Variants in CACNG4 observed in about 807,000 individuals in gnomAD.
The protein encoded by CACNG4 is calcium voltage-gated channel auxiliary subunit gamma 4, also known as voltage-dependent calcium channel gamma-4 subunit.
CACNG4 carries 8 observed loss-of-function variants against 22.9 expected under a neutral mutation model. That is an observed-to-expected ratio of 0.35 (90% CI 0.21 to 0.63). The LOEUF is 0.63. CACNG4 is among the 30% of genes least tolerant of loss of function. CACNG4 has a pLI of 0.72. For synonymous variants in CACNG4, 188 were observed against 191.9 expected (o/e 0.98, Z 0.17); for missense variants, 357 against 455.4 (o/e 0.78, Z 1.97).
chr17:66,991,684 T>C (rs1274952465), intron 1 of CACNG4, among the ~76,000 whole-genome samples: 1 of 152,108 alleles, frequency 6.6e-6, no homozygotes, highest in Admixed American at 6.5e-5. Flanking sequence ...AGCCCCCAGA[T>C]ATTAACCCTG....
chr17:67,002,031 AC>A (rs879463837), intron 1 of CACNG4, among the ~76,000 whole-genome samples: 2,842 of 152,184 alleles, frequency 0.019, 42 homozygotes, highest in East Asian at 0.074. Flanking sequence ...GGTGCTCCAG[AC>A]CACAGGTATG....
At chr17:67,018,355 GGCATGGA>G (rs2035513196) in intron 2 of CACNG4, 83 bp downstream of exon 2, 1 of 941,304 alleles carries the variant, frequency 1.1e-6, no homozygotes, top group African/African-American at 1.6e-5. Flanking sequence ...AGAGACACTG[GGCATGGA>G]GAGGGTGATT....
At position 67,007,497 on chromosome 17, in the gene CACNG4, T is replaced by C. The variant is rs192626563; in HGVS notation, c.221-10692T>C. On this transcript the variant is annotated intron_variant, in intron 1 of 3. Coordinates refer to ENST00000262138, the MANE Select transcript of CACNG4 (RefSeq NM_014405.4). ...GGTTTCTTGACCAACATGGGTCTCA[T>C]TGGGTCTCACTTGAGATATGAAAGG... Among the ~76,000 whole-genome samples the C allele has an allele frequency of 8.3e-4, 127 of 152,262 alleles. 2 individuals carry two copies. Among genetic ancestry groups the C allele is most frequent in the Admixed American group, 5.2e-3 (80 of 15,304 alleles).
rs181264344 is a variant in CACNG4 at position 66,984,842 on chromosome 17, G to A, written c.220+19711G>A. 2.0e-5 allele frequency among the ~76,000 whole-genome samples: 3 copies of A among 152,082 alleles called. No homozygotes were observed. Among genetic ancestry groups the A allele is most frequent in the African/African-American group, 7.2e-5 (3 of 41,392 alleles). On this transcript the variant is annotated intron_variant, in intron 1 of 3. Transcript: ENST00000262138. The surrounding 1 kb of genome is among the most constrained non-coding windows in gnomAD (Gnocchi z 4.0). ...TGAACCCGAGCCTGAGTTTAGCCTC[G>A]AGCCTGAGCCTGCCTCAGGGTCCCC... is the stretch of plus-strand genomic sequence containing the variant.
chr17:66,995,730 A>AC (rs2035369981), intron 1 of CACNG4, among the ~76,000 whole-genome samples: 1 of 151,922 alleles, frequency 6.6e-6, no homozygotes, highest in African/African-American at 2.4e-5. Context: ...GGCACCTGTA[A>AC]TCCTAGCTAC....
intron 1 of CACNG4, among the ~76,000 whole-genome samples, chr17:66,973,845 G>A (rs1282123631): frequency 6.6e-6 from 1 of 152,136 alleles, no homozygotes; most frequent in African/African-American, 2.4e-5. Context: ...GCCTGGATCT[G>A]CCCCCAACGT....
chr17:67,007,631 T>C (rs2035445478), intron 1 of CACNG4, among the ~76,000 whole-genome samples: 1 of 152,180 alleles, frequency 6.6e-6, no homozygotes, highest in Non-Finnish European at 1.5e-5. Context: ...CTCAGGACTC[T>C]TTCTAAGCCC....
chr17:67,002,618 T>TTCTCTCCCTCTCTCTCTCTCTCTC lies in CACNG4; in HGVS notation c.221-15565_221-15564insCCTCTCTCTCTCTCTCTCTCTCTC, dbSNP rs2035414803. Among the ~76,000 whole-genome samples the TTCTCTCCCTCTCTCTCTCTCTCTC allele has an allele frequency of 5.5e-5, 8 of 145,428 alleles. No individual in the cohort carries two copies. The East Asian group carries it at 1.7e-3, about 30-fold the overall frequency. ...CTCTCTCCACCTCTCATCTCTCTCT[T>TTCTCTCCCTCTCTCTCTCTCTCTC]TCTCTCTCTCTCTCTCTCTCTCTCT... is the stretch of plus-strand genomic sequence containing the variant. On this transcript the variant is annotated intron_variant, in intron 1 of 3. Transcript: ENST00000262138.
intron 3 of CACNG4, among the ~76,000 whole-genome samples, chr17:67,029,124 C>T (rs1451691045): frequency 2.0e-5 from 3 of 150,828 alleles, no homozygotes; most frequent in East Asian, 2.0e-4. Flanking sequence ...CGTAAGGTCC[C>T]GAGTTTGAGA....
At chr17:67,011,955 C>T (rs2035471023) in intron 1 of CACNG4, among the ~76,000 whole-genome samples, 1 of 152,196 alleles carries the variant, frequency 6.6e-6, no homozygotes, top group Non-Finnish European at 1.5e-5. Context: ...CGCTCTTCAT[C>T]ACCTGACAGC....
intron 1 of CACNG4, among the ~76,000 whole-genome samples, chr17:67,015,279 C>T (rs892729433): frequency 5.3e-5 from 8 of 152,196 alleles, no homozygotes; most frequent in Non-Finnish European, 1.0e-4. Flanking sequence ...GTCCCCAAAG[C>T]TTACATGCTG....
chr17:66,966,256 T>C (rs1300167676), intron 1 of CACNG4, among the ~76,000 whole-genome samples: 1 of 152,152 alleles, frequency 6.6e-6, no homozygotes, highest in African/African-American at 2.4e-5. Context: ...CCCAGCAAGG[T>C]TGGGCACAGG....
chr17:67,009,631 A>G (rs1050034419), intron 1 of CACNG4, among the ~76,000 whole-genome samples: 2 of 152,170 alleles, frequency 1.3e-5, no homozygotes, highest in African/African-American at 4.8e-5. Context: ...CTTACAATAC[A>G]ACAGAAATTT....
chr17:67,018,400 A>T, intron 2 of CACNG4, 128 bp downstream of exon 2: 1 of 676,842 alleles, frequency 1.5e-6, no homozygotes, highest in Non-Finnish European at 2.6e-6. Context: ...TCACTGTCTT[A>T]CTTATTCAGA....
chr17:66,978,572 G>A (rs531840939), intron 1 of CACNG4, among the ~76,000 whole-genome samples: 1 of 152,154 alleles, frequency 6.6e-6, no homozygotes, highest in Non-Finnish European at 1.5e-5. Flanking sequence ...TCCAGGGGCC[G>A]GACAGTCCGG....
At chr17:67,001,345 A>C (rs2035406838) in intron 1 of CACNG4, among the ~76,000 whole-genome samples, 1 of 151,934 alleles carries the variant, frequency 6.6e-6, no homozygotes, top group Admixed American at 6.6e-5. Flanking sequence ...TCCAGCTCCC[A>C]GGCCCCTGAG....
intron 1 of CACNG4, among the ~76,000 whole-genome samples, chr17:67,013,640 AC>A (rs1325276461): frequency 1.3e-5 from 2 of 152,096 alleles, no homozygotes; most frequent in Non-Finnish European, 2.9e-5. Flanking sequence ...CCCCATCTCT[AC>A]CAAAAATACA....
At chr17:67,020,751 A>T (rs563099039) in intron 2 of CACNG4, among the ~76,000 whole-genome samples, 1 of 152,316 alleles carries the variant, frequency 6.6e-6, no homozygotes, top group South Asian at 2.1e-4. Flanking sequence ...GACAACTGGC[A>T]TGTGTTTCCA....
At chr17:66,980,093 C>A (rs2035262676) in intron 1 of CACNG4, among the ~76,000 whole-genome samples, 2 of 152,296 alleles carry the variant, frequency 1.3e-5, no homozygotes, top group South Asian at 4.1e-4. Flanking sequence ...AACACGCTCC[C>A]AGGCACTATG....
Sources: allele counts gnomAD v4.1 joint callset (sites outside exome capture counted in the v4.1 genomes callset), GRCh38; gene constraint gnomAD v4.1.1; non-coding constraint Gnocchi (gnomAD v3.1); transcripts MANE v1.5; gene names NCBI Gene and HGNC (gene_info 2026-07-23, HGNC 2026-07-21).